The following LTBP1 variants were observed in gnomAD, a reference collection of about 807,000 sequenced individuals.
LTBP1 encodes the protein latent-transforming growth factor beta-binding protein 1.
A neutral mutation model predicts 207.6 loss-of-function variants in LTBP1; 129 were observed. The ratio of observed to expected loss-of-function variants is 0.62; its 90% CI spans 0.54 to 0.72. The LOEUF is 0.72. Among genes scored for constraint, LTBP1 ranks in the 30% least tolerant of loss-of-function variants. LTBP1 has a pLI of 0.00. For missense variants in LTBP1, 2,281 were observed against 2,217.2 expected (o/e 1.03, Z -0.58); for synonymous variants, 963 against 833.7 (o/e 1.16, Z -2.67).
intron 2 of LTBP1, among the ~76,000 whole-genome samples, chr2:32,967,762 C>T (rs1359076874): frequency 2.6e-5 from 4 of 152,072 alleles, no homozygotes; most frequent in Admixed American, 1.3e-4. Flanking sequence ...GAATGTGCTA[C>T]GTAATCATGA....
At chr2:33,224,485 C>T (rs774245610) in intron 9 of LTBP1, among the ~76,000 whole-genome samples, 2 of 152,196 alleles carry the variant, frequency 1.3e-5, no homozygotes, top group African/African-American at 2.4e-5. Context: ...AGAAGGCTTA[C>T]TCTCTCTTAG....
chr2:32,947,219 T>A lies in LTBP1; in HGVS notation c.-106T>A. 1 of 872,118 alleles carries A rather than the reference T, an allele frequency of 1.1e-6. No homozygotes were observed. Among genetic ancestry groups the A allele is most frequent in the Non-Finnish European group, 1.5e-6 (1 of 668,128 alleles). The allele number at this position is 872,118 out of a possible 1,614,324, so 54.0% of individuals were successfully genotyped here. A position where few individuals can be genotyped will look rare whatever the true frequency, so the allele number is the denominator to read the frequency against. On this transcript the variant is annotated 5_prime_UTR_variant, in exon 1 of 34. Coordinates refer to ENST00000404816, the MANE Select transcript of LTBP1 (RefSeq NM_206943.4). ...TGGTCTCCTCCCGCCTTTCCCGGGCTCTCGGCAGCTCTCGGGGGAGCCCGA... is the reference window on the plus strand; with the variant it reads ...TGGTCTCCTCCCGCCTTTCCCGGGCACTCGGCAGCTCTCGGGGGAGCCCGA...
At chr2:33,071,777 ATTC>A (rs1195750520) in intron 3 of LTBP1, among the ~76,000 whole-genome samples, 2 of 152,038 alleles carry the variant, frequency 1.3e-5, no homozygotes, top group Non-Finnish European at 1.5e-5. Flanking sequence ...TCGTCTGGGG[ATTC>A]TTCTTTATGT....
At chr2:33,327,835 G>C (rs2094446490) in intron 24 of LTBP1, among the ~76,000 whole-genome samples, 1 of 151,738 alleles carries the variant, frequency 6.6e-6, no homozygotes, top group Admixed American at 6.6e-5. Context: ...CATTCAAGTT[G>C]GTGTTTAAAA....
intron 15 of LTBP1, among the ~76,000 whole-genome samples, chr2:33,268,365 G>A (rs1450978391): frequency 1.3e-5 from 2 of 152,184 alleles, no homozygotes; most frequent in Non-Finnish European, 2.9e-5. Context: ...ATTGAAGACA[G>A]GGATAGAACA....
At chr2:33,028,537 G>A (rs1006455772) in intron 3 of LTBP1, among the ~76,000 whole-genome samples, 2 of 152,070 alleles carry the variant, frequency 1.3e-5, no homozygotes, top group South Asian at 2.1e-4. Context: ...GCATAGTGGC[G>A]AGCGCCTGTA....
intron 2 of LTBP1, among the ~76,000 whole-genome samples, chr2:32,969,224 C>G (rs2148548461): frequency 8.8e-6 from 1 of 113,510 alleles, no homozygotes; most frequent in African/African-American, 3.6e-5. Flanking sequence ...TGGCACCTGG[C>G]CAATTTGTGT....
chr2:33,236,310 G>C (rs2092046967), intron 9 of LTBP1, among the ~76,000 whole-genome samples: 1 of 152,152 alleles, frequency 6.6e-6, no homozygotes, highest in Admixed American at 6.5e-5. Flanking sequence ...AGTGGTCAAT[G>C]GCTCAGTGGG....
At chr2:33,334,726 T>G (rs2094535277) in intron 24 of LTBP1, among the ~76,000 whole-genome samples, 1 of 152,042 alleles carries the variant, frequency 6.6e-6, no homozygotes, top group African/African-American at 2.4e-5. Context: ...CAGTGTTGTT[T>G]TAGTTTCTCT....
intron 2 of LTBP1, among the ~76,000 whole-genome samples, chr2:32,994,941 A>C (rs769830950): frequency 6.6e-6 from 1 of 152,196 alleles, no homozygotes; most frequent in Non-Finnish European, 1.5e-5. Flanking sequence ...TATAACCCCA[A>C]TAACTCAGGA....
At chr2:33,360,492 A>C in intron 26 of LTBP1, 105 bp from the exon 27 acceptor site, 1 of 677,624 alleles carries the variant, frequency 1.5e-6, no homozygotes, top group Non-Finnish European at 2.5e-6. Context: ...CTATAAAGCA[A>C]ATGCTATTGA....
chr2:33,008,638 GGGCAAAA>G (rs1316231540), intron 2 of LTBP1, among the ~76,000 whole-genome samples: 1 of 152,194 alleles, frequency 6.6e-6, no homozygotes, highest in Non-Finnish European at 1.5e-5. Context: ...TCTAGGCGCA[GGGCAAAA>G]GCAGCAACTA....
At chr2:33,338,859 T>C (rs1337787673) in intron 24 of LTBP1, among the ~76,000 whole-genome samples, 1 of 152,160 alleles carries the variant, frequency 6.6e-6, no homozygotes, top group Non-Finnish European at 1.5e-5. Context: ...GGAAGGAGGT[T>C]GTCTGGAAAC....
intron 24 of LTBP1, among the ~76,000 whole-genome samples, chr2:33,326,640 A>AATTAATTAATTTATTTATTTATTTATTT (rs1553502915): frequency 1.6e-4 from 23 of 144,654 alleles, no homozygotes; most frequent in African/African-American, 6.0e-4. Context: ...TGAGGGATAT[A>AATTAATTAATTTATTTATTTATTTATTT]ATTTATTTAT....
intron 18 of LTBP1, among the ~76,000 whole-genome samples, chr2:33,277,481 A>G (rs1003465212): frequency 2.1e-4 from 32 of 152,176 alleles, no homozygotes; most frequent in African/African-American, 7.5e-4. Context: ...CATCATCTGT[A>G]AAATAGGAAC....
intron 4 of LTBP1, among the ~76,000 whole-genome samples, chr2:33,118,237 G>A (rs1382023220): frequency 2.6e-5 from 4 of 151,946 alleles, no homozygotes; most frequent in Admixed American, 2.0e-4. Context: ...CTGTCTTTGG[G>A]ATTGGCTTAC....
intron 3 of LTBP1, among the ~76,000 whole-genome samples, chr2:33,061,243 A>G (rs1189747347): frequency 2.6e-5 from 4 of 152,296 alleles, no homozygotes; most frequent in East Asian, 3.9e-4. Flanking sequence ...CTTTCAGACT[A>G]AGATGCACAC....
At chr2:33,339,831 G>T (rs1359119159) in intron 24 of LTBP1, among the ~76,000 whole-genome samples, 2 of 151,858 alleles carry the variant, frequency 1.3e-5, no homozygotes, top group African/African-American at 2.4e-5. Context: ...TTTTAGTAGA[G>T]ACGGGGTTTC....
intron 3 of LTBP1, among the ~76,000 whole-genome samples, chr2:33,090,223 G>A (rs941616227): frequency 4.6e-5 from 7 of 152,178 alleles, no homozygotes; most frequent in Admixed American, 1.3e-4. Context: ...GTAATTGGAC[G>A]GAGTGGGAAA....
Sources: gnomAD v4.1 joint callset for allele counts (sites outside exome capture counted in the v4.1 genomes callset) on GRCh38, gnomAD v4.1.1 for gene constraint, MANE v1.5 for transcripts, NCBI Gene and HGNC (gene_info 2026-07-23, HGNC 2026-07-21) for gene names.